Variants in CHPT1 observed in about 807,000 individuals in gnomAD.
CHPT1 encodes cholinephosphotransferase 1.
In CHPT1, 36 loss-of-function variants were observed where a neutral mutation model predicts 47.6. The observed-to-expected ratio is 0.76, with a 90% CI of 0.58 to 1.00. The LOEUF (loss-of-function observed/expected upper bound fraction) is 1.00. Ranked by LOEUF, CHPT1 falls within the 50% of genes least tolerant of loss-of-function variation. CHPT1 has a pLI of 0.00. For missense variants in CHPT1, 458 were observed against 498.1 expected (o/e 0.92, Z 0.77); for synonymous variants, 194 against 186.3 (o/e 1.04, Z -0.33).
chr12:101,712,484 T>C (rs1030311915), intron 1 of CHPT1, among the ~76,000 whole-genome samples: 5 of 148,812 alleles, frequency 3.4e-5, no homozygotes, highest in Non-Finnish European at 6.0e-5. Flanking sequence ...TTTCTTCTTA[T>C]ATTTTTCGTG....
intron 1 of CHPT1, among the ~76,000 whole-genome samples, chr12:101,711,108 G>A (rs561038167): frequency 6.7e-6 from 1 of 148,210 alleles, no homozygotes; most frequent in Non-Finnish European, 1.5e-5. Flanking sequence ...AATGAAATTG[G>A]ACCTTATATT....
intron 7 of CHPT1, among the ~76,000 whole-genome samples, chr12:101,724,409 C>T (rs775109034): frequency 1.3e-5 from 2 of 152,166 alleles, no homozygotes; most frequent in Non-Finnish European, 2.9e-5. Context: ...CTATATTTTT[C>T]TCCCCCAAAA....
At chr12:101,708,337 G>T (rs79004260) in intron 1 of CHPT1, among the ~76,000 whole-genome samples, 13,206 of 149,360 alleles carry the variant, frequency 0.088, 641 homozygotes, top group South Asian at 0.18. Flanking sequence ...TAATCAGTGG[G>T]TTTTTTTTTA....
At chr12:101,712,196 A>C (rs1213823535) in intron 1 of CHPT1, among the ~76,000 whole-genome samples, 2 of 147,390 alleles carry the variant, frequency 1.4e-5, no homozygotes, top group African/African-American at 4.9e-5. Flanking sequence ...TAATTTTTAT[A>C]TCTTTTGTAG....
At chr12:101,727,570 T>C (rs1951989572) in intron 8 of CHPT1, 1 of 150,810 alleles carries the variant, frequency 6.6e-6, no homozygotes, top group Non-Finnish European at 1.5e-5. Flanking sequence ...AAGAAAACAG[T>C]GAAAGATGAT....
chr12:101,714,001 G>T (rs949432158), intron 1 of CHPT1, 89 bp from the exon 2 acceptor site: 11 of 735,616 alleles, frequency 1.5e-5, no homozygotes, highest in Admixed American at 5.1e-5. Context: ...AACACACGGG[G>T]TGCTACAAAG....
chr12:101,709,618 G>T (rs1296867081), intron 1 of CHPT1, among the ~76,000 whole-genome samples: 1 of 148,504 alleles, frequency 6.7e-6, no homozygotes, highest in Non-Finnish European at 1.5e-5. Context: ...CTGAGGCCTT[G>T]GGAAGACTGG....
chr12:101,727,468 C>T (rs1281469255), intron 8 of CHPT1: 1 of 146,124 alleles, frequency 6.8e-6, no homozygotes, highest in Non-Finnish European at 1.5e-5. Flanking sequence ...AATAGTTCAA[C>T]AGACCATATG....
intron 7 of CHPT1, among the ~76,000 whole-genome samples, chr12:101,725,784 T>C (rs557914566): frequency 6.6e-6 from 1 of 152,282 alleles, no homozygotes; most frequent in East Asian, 1.9e-4. Flanking sequence ...AAGAGAAGCA[T>C]TTGACTGTAG....
intron 7 of CHPT1, among the ~76,000 whole-genome samples, chr12:101,726,033 G>A (rs1951938358): frequency 6.6e-6 from 1 of 152,066 alleles, no homozygotes; most frequent in South Asian, 2.1e-4. Flanking sequence ...AGGAGAGTTG[G>A]GTTCTGTTAC....
chr12:101,717,886 A>G (rs1381649231), intron 4 of CHPT1, among the ~76,000 whole-genome samples: 2 of 152,212 alleles, frequency 1.3e-5, no homozygotes, highest in African/African-American at 2.4e-5. Flanking sequence ...GATGTCCTTC[A>G]TCTTAGCTGG....
intron 1 of CHPT1, among the ~76,000 whole-genome samples, chr12:101,707,802 G>C (rs1357471209): frequency 6.6e-6 from 1 of 152,128 alleles, no homozygotes; most frequent in Non-Finnish European, 1.5e-5. Flanking sequence ...TGAGTTACAG[G>C]GTTGTGGGCA....
chr12:101,706,067 C>T (rs1289280103), intron 1 of CHPT1, among the ~76,000 whole-genome samples: 2 of 151,810 alleles, frequency 1.3e-5, no homozygotes, highest in African/African-American at 2.4e-5. Flanking sequence ...AAATAGAATA[C>T]GTGGCTGGGT....
intron 1 of CHPT1, among the ~76,000 whole-genome samples, chr12:101,699,101 G>C (rs1951511524): frequency 6.6e-6 from 1 of 152,126 alleles, no homozygotes; most frequent in Non-Finnish European, 1.5e-5. Context: ...TGTTGTTTTT[G>C]AGACAGGGGT....
chr12:101,727,098 CT>C (rs1296920349), intron 8 of CHPT1: 1 of 152,104 alleles, frequency 6.6e-6, no homozygotes, highest in East Asian at 1.9e-4. Flanking sequence ...TAAAATTTCA[CT>C]GTCACTGAAA....
At chr12:101,704,956 G>A (rs1392049283) in intron 1 of CHPT1, among the ~76,000 whole-genome samples, 1 of 82,264 alleles carries the variant, frequency 1.2e-5, no homozygotes, top group Non-Finnish European at 2.1e-5. Context: ...CTAAGGCACT[G>A]TAAAGTGATT....
intron 1 of CHPT1, among the ~76,000 whole-genome samples, chr12:101,703,741 A>G (rs1951589148): frequency 1.3e-5 from 2 of 152,122 alleles, no homozygotes; most frequent in African/African-American, 4.8e-5. Flanking sequence ...AAACAATGTC[A>G]TAAGCACATC....
In CHPT1 at chr12:101,726,341, G is replaced by A; in HGVS notation, c.1113G>A (p.Leu371=). The part of the protein sequence containing the change: ...DMVIYFSALC[L]QISRHLHLNI... Reference sequence around the variant, plus strand: ...TGATATACTTTAGTGCTTTGTGCCTGCAAATTTCAAGACACCTTCATCTAA... The same window carrying A: ...TGATATACTTTAGTGCTTTGTGCCTACAAATTTCAAGACACCTTCATCTAA... The change falls in exon 8 of 9, where the codon CTG becomes CTA. Residue 371 remains leucine (L), a synonymous_variant. Coordinates refer to ENST00000229266, the MANE Select transcript of CHPT1 (RefSeq NM_020244.3). The A allele has an allele frequency of 6.2e-7, 1 of 1,612,968 alleles. No individual in the cohort carries two copies. Among genetic ancestry groups the A allele is most frequent in the Non-Finnish European group, 8.5e-7 (1 of 1,179,326 alleles).
intron 1 of CHPT1, among the ~76,000 whole-genome samples, chr12:101,705,047 G>A (rs1253949117): frequency 1.0e-5 from 1 of 96,602 alleles, no homozygotes; most frequent in Non-Finnish European, 1.9e-5. Flanking sequence ...TAACCACTCT[G>A]CAAGAAAAAC....
Sources: allele counts gnomAD v4.1 joint callset (sites outside exome capture counted in the v4.1 genomes callset), GRCh38; gene constraint gnomAD v4.1.1; transcripts MANE v1.5; gene names NCBI Gene and HGNC (gene_info 2026-07-23, HGNC 2026-07-21).